NEK10: variants seen among roughly 807,000 people sequenced by gnomAD.
NEK10 encodes NIMA related kinase 10.
NEK10 carries 122 observed loss-of-function variants against 159.8 expected under a neutral mutation model. The ratio of observed to expected loss-of-function variants is 0.76; its 90% confidence interval spans 0.66 to 0.89. The LOEUF is 0.89. Among genes scored for constraint, NEK10 ranks in the 40% least tolerant of loss-of-function variants. NEK10 has a pLI of 0.00. For synonymous variants in NEK10, 466 were observed against 457.1 expected, an observed-to-expected ratio of 1.02 and a Z score of -0.25; for missense variants, 1,342 against 1,323.1, an observed-to-expected ratio of 1.01 and a Z score of -0.22.
At position 27,291,533 on chromosome 3, in the gene NEK10, C is replaced by T. The variant is rs190723093; in HGVS notation, c.1427G>A (p.Arg476His). 3.0e-5 allele frequency: 49 copies of T among 1,611,280 alleles called. No homozygotes were observed. The highest frequency in any genetic ancestry group is 1.7e-4 in the Middle Eastern group (1 of 6,058). ...CAATTCTTCATAAGCACTGATATCA[C>T]GTACATAATGCCCTATGTCAATGAA... The part of the protein sequence containing the change: ...EIFIDIGHYV[R>H]DISAYEELVS... Residue 476 changes from arginine (R) to histidine (H), a missense_variant, in exon 17 of 36, where the codon CGT (arginine) becomes CAT (histidine). Transcript: ENST00000691995.
At chr3:27,227,110 A>G (rs1488082945) in intron 23 of NEK10, among the ~76,000 whole-genome samples, 7 of 152,188 alleles carry the variant, frequency 4.6e-5, no homozygotes, top group African/African-American at 2.4e-5. Flanking sequence ...GCTATGTACC[A>G]AGTCCTCTTT....
intron 11 of NEK10, among the ~76,000 whole-genome samples, chr3:27,307,018 C>T (rs1195488491): frequency 6.6e-6 from 1 of 152,102 alleles, no homozygotes; most frequent in Non-Finnish European, 1.5e-5. Flanking sequence ...GCTCCATGTT[C>T]CCAGAGTACC....
intron 13 of NEK10, among the ~76,000 whole-genome samples, chr3:27,297,649 AT>A (rs1375577381): frequency 6.6e-6 from 1 of 152,222 alleles, no homozygotes; most frequent in Non-Finnish European, 1.5e-5. Context: ...AATCCTTATA[AT>A]AAGAGTATGC....
intron 23 of NEK10, among the ~76,000 whole-genome samples, chr3:27,253,465 C>T (rs868131881): frequency 3.9e-5 from 6 of 152,132 alleles, no homozygotes; most frequent in African/African-American, 1.4e-4. Context: ...TAACAAATAC[C>T]TGCCTAATAA....
chr3:27,201,692 C>T lies in NEK10; in HGVS notation c.2221-112G>A, dbSNP rs1950058790. The T allele has an allele frequency of 4.1e-6, 3 of 738,756 alleles. No individual in the cohort carries two copies. In the African/African-American group the frequency reaches 5.2e-5, roughly 13 times the overall value. The allele number at this position is 738,756 out of a possible 1,614,324, so 45.8% of individuals were successfully genotyped here. ...ACTAATTAAGCAGGATAACTTCACA[C>T]ATAAATTTTAGTCAGAAATCCCGAC... is the stretch of plus-strand genomic sequence containing the variant. On this transcript the variant is annotated intron_variant, in intron 24 of 35. Coordinates refer to ENST00000691995, the MANE Select transcript of NEK10 (RefSeq NM_001394966.1).
Position 27,192,090 on chromosome 3 carries a change from T to C in NEK10, c.2444A>G (p.Tyr815Cys), listed in dbSNP as rs35407964. ...GGTGTTCCGGTTGGCTTCCATAAAA[T>C]ACCTTTGTGTGCGTCTTCGTTCCCG... ...LERERRRTQR[Y>C]FMEANRNTVT... Residue 815 changes from tyrosine (Y) to cysteine (C), a missense_variant, in exon 26 of 36, where the codon TAT (tyrosine) becomes TGT (cysteine). By Grantham distance (194) the Tyr-to-Cys change is radical. Transcript: ENST00000691995. 5.6e-6 allele frequency: 9 copies of C among 1,614,094 alleles called. No homozygotes were observed. The East Asian group carries it at 1.8e-4, about 32-fold the overall frequency.
chr3:27,208,025 G>C (rs1950669538), intron 23 of NEK10, among the ~76,000 whole-genome samples: 1 of 152,128 alleles, frequency 6.6e-6, no homozygotes, highest in Admixed American at 6.6e-5. Context: ...GTGTATTTTT[G>C]TGTGTATGCA....
At chr3:27,175,375 C>T (rs1038312841) in intron 26 of NEK10, among the ~76,000 whole-genome samples, 4 of 152,180 alleles carry the variant, frequency 2.6e-5, no homozygotes, top group Non-Finnish European at 5.9e-5. Flanking sequence ...ACACTCTCTG[C>T]AGAACTAGCC....
At chr3:27,193,376 A>G (rs143664536) in intron 25 of NEK10, among the ~76,000 whole-genome samples, 229 of 152,232 alleles carry the variant, frequency 1.5e-3, no homozygotes, top group African/African-American at 5.3e-3. Flanking sequence ...AAATCTGACT[A>G]TATTATTTCT....
intron 30 of NEK10, among the ~76,000 whole-genome samples, chr3:27,142,723 G>A (rs1032893717): frequency 1.3e-5 from 2 of 152,066 alleles, no homozygotes; most frequent in Non-Finnish European, 2.9e-5. Context: ...ATTCAATGCA[G>A]TCATTTAAAA....
At chr3:27,281,359 A>T (rs1364540906) in intron 22 of NEK10, among the ~76,000 whole-genome samples, 1 of 152,078 alleles carries the variant, frequency 6.6e-6, no homozygotes, top group Admixed American at 6.5e-5. Flanking sequence ...CTACAGACAC[A>T]TTGAATTTTA....
At position 27,109,960 on chromosome 3, in the gene NEK10, G is replaced by A. The variant is rs1939355146; in HGVS notation, c.*1312C>T. ...TATTAAATATGCTCATTTAAAAATA[G>A]TGTAGATTTTCATACTATACAGAAA... On this transcript the variant is annotated 3_prime_UTR_variant, in exon 36 of 36. Coordinates refer to ENST00000691995, the MANE Select transcript of NEK10 (RefSeq NM_001394966.1). The A allele has an allele frequency of 6.6e-6, 1 of 152,146 alleles. No homozygotes were observed. Among genetic ancestry groups the A allele is most frequent in the Non-Finnish European group, 1.5e-5 (1 of 68,022 alleles). The allele number at this position is 152,146 out of a possible 1,614,324, so 9.4% of individuals were successfully genotyped here.
At chr3:27,268,213 G>T (rs62255583) in intron 22 of NEK10, among the ~76,000 whole-genome samples, 22,677 of 152,232 alleles carry the variant, frequency 0.15, 1,977 homozygotes, top group Non-Finnish European at 0.2. Context: ...AAAGTGCAAG[G>T]TGAAGTAGCC....
intron 23 of NEK10, among the ~76,000 whole-genome samples, chr3:27,234,322 C>A (rs1018464300): frequency 6.6e-6 from 1 of 151,980 alleles, no homozygotes; most frequent in African/African-American, 2.4e-5. Context: ...GGAAATCAAA[C>A]TATCCCTGTT....
intron 30 of NEK10, among the ~76,000 whole-genome samples, chr3:27,152,611 A>C (rs180816878): frequency 2.0e-5 from 3 of 152,284 alleles, no homozygotes; most frequent in East Asian, 1.9e-4. Flanking sequence ...ACAAAAAAAA[A>C]ACAAAAGTAC....
At position 27,128,523 on chromosome 3, in the gene NEK10, C is replaced by T. The variant is rs147526354; in HGVS notation, c.3081+3357G>A. ...TCCTCTCAATGATTTTGTTAACATG[C>T]GATAGAATTCATAAAGGAAAGGCAG... On this transcript the variant is annotated intron_variant, in intron 32 of 35. Coordinates refer to ENST00000691995, the MANE Select transcript of NEK10 (RefSeq NM_001394966.1). Among the ~76,000 whole-genome samples the T allele has an allele frequency of 5.3e-5, 8 of 152,078 alleles. No homozygotes were observed. The South Asian group carries it at 1.2e-3, about 24-fold the overall frequency.
intron 30 of NEK10, among the ~76,000 whole-genome samples, chr3:27,152,862 T>C (rs62255205): frequency 0.23 from 35,678 of 152,104 alleles, 4,566 homozygotes; most frequent in Middle Eastern, 0.38. Context: ...AAGGTAGCTA[T>C]TCTTATATCA....
intron 30 of NEK10, among the ~76,000 whole-genome samples, chr3:27,154,644 T>C (rs1945225711): frequency 6.6e-6 from 1 of 152,114 alleles, no homozygotes; most frequent in African/African-American, 2.4e-5. Flanking sequence ...TGGTTTAAAA[T>C]ACACAAGTCA....
intron 28 of NEK10, 149 bp from the exon 29 acceptor site, chr3:27,172,022 G>T: frequency 1.1e-6 from 1 of 888,954 alleles, no homozygotes; most frequent in Non-Finnish European, 1.7e-6. Flanking sequence ...CTGTAAATTA[G>T]TGTAGCCATT....
Sources: allele counts gnomAD v4.1 joint callset (sites outside exome capture counted in the v4.1 genomes callset), GRCh38; gene constraint gnomAD v4.1.1; transcripts MANE v1.5; gene names NCBI Gene and HGNC (gene_info 2026-07-23, HGNC 2026-07-21).